The following GIPC2 variants were observed in gnomAD, a reference collection of about 807,000 sequenced individuals.
The protein encoded by GIPC2 is PDZ domain-containing protein GIPC2.
In GIPC2, 30 loss-of-function variants were observed where a neutral mutation model predicts 30.6. The ratio of observed to expected loss-of-function variants is 0.98; its 90% confidence interval spans 0.73 to 1.33. The LOEUF is 1.33. Among genes scored for constraint, GIPC2 ranks in the 40% most tolerant of loss-of-function variants. GIPC2 has a pLI of 0.00. For missense variants in GIPC2, 414 were observed against 390.3 expected, an observed-to-expected ratio of 1.06 and a Z score of -0.51; for synonymous variants, 167 against 150.0, an observed-to-expected ratio of 1.11 and a Z score of -0.83.
At chr1:78,055,815 G>T (rs572170954) in intron 1 of GIPC2, among the ~76,000 whole-genome samples, 2 of 152,324 alleles carry the variant, frequency 1.3e-5, no homozygotes, top group East Asian at 3.9e-4. Context: ...AGTGGATAAG[G>T]AGTCCTGCAG....
chr1:78,064,603 G>C (rs1448423495), intron 1 of GIPC2, among the ~76,000 whole-genome samples: 4 of 152,074 alleles, frequency 2.6e-5, no homozygotes, highest in Non-Finnish European at 5.9e-5. Context: ...ACAATAAGAG[G>C]GCGAACAAGG....
At chr1:78,060,432 A>G (rs1421549872) in intron 1 of GIPC2, among the ~76,000 whole-genome samples, 2 of 152,142 alleles carry the variant, frequency 1.3e-5, no homozygotes, top group Non-Finnish European at 2.9e-5. Context: ...GGTGTGTACC[A>G]CTGCAGCCGA....
chr1:78,065,220 A>G (rs1661482677), intron 1 of GIPC2, among the ~76,000 whole-genome samples: 1 of 152,150 alleles, frequency 6.6e-6, no homozygotes. Context: ...AAAGAGTAGA[A>G]CATGTGTTTG....
Position 78,046,306 on chromosome 1 carries a change from C to A in GIPC2, c.212C>A (p.Ala71Glu). Residue 71 changes from alanine (A) to glutamate (E), a missense_variant, in exon 1 of 6, where the codon GCG (alanine) becomes GAG (glutamate). Coordinates refer to ENST00000370759, the MANE Select transcript of GIPC2 (RefSeq NM_017655.6). ...SSIQELYAQI[A>E]GAFEISPSEI... ...ATCCAGGAGCTCTACGCCCAGATCGCGGGCGCGTTTGAAATCTCGCCGTCG... is the reference window on the plus strand; with the variant it reads ...ATCCAGGAGCTCTACGCCCAGATCGAGGGCGCGTTTGAAATCTCGCCGTCG... 1 of 1,611,474 alleles carries A rather than the reference C, an allele frequency of 6.2e-7. No homozygotes were observed. Among genetic ancestry groups the A allele is most frequent in the Non-Finnish European group, 8.5e-7 (1 of 1,179,472 alleles).
intron 3 of GIPC2, among the ~76,000 whole-genome samples, chr1:78,109,441 G>A (rs897665457): frequency 2.2e-4 from 34 of 152,196 alleles, no homozygotes; most frequent in African/African-American, 8.2e-4. Context: ...ATGAGGTAGT[G>A]TTTCTAGGGT....
chr1:78,108,529 C>T (rs1368026138), intron 3 of GIPC2, among the ~76,000 whole-genome samples: 1 of 152,222 alleles, frequency 6.6e-6, no homozygotes, highest in African/African-American at 2.4e-5. Flanking sequence ...CAACAACTGA[C>T]ACCTTCATGC....
chr1:78,133,385 C>T (rs1454288175), intron 5 of GIPC2, among the ~76,000 whole-genome samples: 1 of 152,160 alleles, frequency 6.6e-6, no homozygotes, highest in African/African-American at 2.4e-5. Flanking sequence ...CTCAGGGCTG[C>T]AGAACTACTG....
chr1:78,068,939 G>A (rs1352232905), intron 1 of GIPC2: 5 of 247,308 alleles, frequency 2.0e-5, no homozygotes, highest in Non-Finnish European at 2.6e-5. Flanking sequence ...TCCTGTGGTA[G>A]CCTGTCAGCT....
At chr1:78,114,542 T>C (rs1356696626) in intron 3 of GIPC2, among the ~76,000 whole-genome samples, 1 of 152,078 alleles carries the variant, frequency 6.6e-6, no homozygotes, top group East Asian at 1.9e-4. Flanking sequence ...AAAACTGCCC[T>C]CTGGAGGCTG....
rs1662865416 is a variant in GIPC2 at position 78,130,158 on chromosome 1, C to A, written c.796+4196C>A. 3.4e-5 allele frequency among the ~76,000 whole-genome samples: 5 copies of A among 146,998 alleles called. No homozygotes were observed. The South Asian group carries it at 1.1e-3, about 31-fold the overall frequency. On this transcript the variant is annotated intron_variant, in intron 5 of 5. Transcript: ENST00000370759. The stretch of plus-strand genomic sequence containing the variant: ...TTGCTCTGTCACCCAGGCTGGAGTG[C>A]AGTGGCACAATCTCGCTCACTGCAA...
intron 3 of GIPC2, among the ~76,000 whole-genome samples, chr1:78,102,395 A>G (rs1662265800): frequency 6.6e-6 from 1 of 152,236 alleles, no homozygotes; most frequent in Non-Finnish European, 1.5e-5. Flanking sequence ...TTTAAGTTTT[A>G]TATGACTTTT....
At chr1:78,061,507 TG>T (rs1462785459) in intron 1 of GIPC2, among the ~76,000 whole-genome samples, 1 of 151,962 alleles carries the variant, frequency 6.6e-6, no homozygotes, top group Non-Finnish European at 1.5e-5. Flanking sequence ...GTTTTTTTTT[TG>T]TTTTGTTTTT....
intron 3 of GIPC2, among the ~76,000 whole-genome samples, chr1:78,095,499 A>G (rs184742610): frequency 1.8e-4 from 27 of 152,326 alleles, no homozygotes; most frequent in Admixed American, 1.6e-3. Context: ...ACTGTTGCTC[A>G]TGGATCTCAG....
chr1:78,125,862 T>G lies in GIPC2; in HGVS notation c.715-19T>G, dbSNP rs779950635. ...AGATTTTGTTGTATAATATCTTATT[T>G]CTCTCTTTTTTGATAAAGCCTTCTG... is the stretch of plus-strand genomic sequence containing the variant. On this transcript the variant is annotated intron_variant, in intron 4 of 5. Coordinates refer to ENST00000370759, the MANE Select transcript of GIPC2 (RefSeq NM_017655.6). The G allele has an allele frequency of 7.3e-7, 1 of 1,377,824 alleles. No homozygotes were observed. The highest frequency in any genetic ancestry group is 1.4e-5 in the African/African-American group (1 of 70,542). The allele number at this position is 1,377,824 out of a possible 1,614,324, so 85.3% of individuals were successfully genotyped here. A position where few individuals can be genotyped will look rare whatever the true frequency, so the allele number is the denominator to read the frequency against.
intron 4 of GIPC2, among the ~76,000 whole-genome samples, chr1:78,124,589 C>T: frequency 6.6e-6 from 1 of 152,204 alleles, no homozygotes; most frequent in East Asian, 1.9e-4. Flanking sequence ...TCACTGTGTT[C>T]TCCAGCTACA....
At chr1:78,125,823 C>T in intron 4 of GIPC2, 58 bp from the exon 5 acceptor site, 1 of 905,552 alleles carries the variant, frequency 1.1e-6, no homozygotes, top group Non-Finnish European at 1.8e-6. Context: ...CTTGTGTATG[C>T]CCTGACAATC....
chr1:78,103,825 A>G (rs1246238511), intron 3 of GIPC2, among the ~76,000 whole-genome samples: 4 of 152,204 alleles, frequency 2.6e-5, no homozygotes, highest in Admixed American at 2.0e-4. Flanking sequence ...TCCCTCAACA[A>G]AGAAAGCTAT....
chr1:78,092,037 T>C, intron 2 of GIPC2: 1 of 1,530,496 alleles, frequency 6.5e-7, no homozygotes, highest in Non-Finnish European at 9.0e-7. Context: ...ATCGCCCTCC[T>C]GTCTACTGGC....
chr1:78,070,529 A>G (rs993297904), intron 1 of GIPC2, among the ~76,000 whole-genome samples: 2 of 151,584 alleles, frequency 1.3e-5, no homozygotes, highest in Non-Finnish European at 1.5e-5. Flanking sequence ...AGGATGATAT[A>G]TATATATATA....
Sources: allele counts gnomAD v4.1 joint callset (sites outside exome capture counted in the v4.1 genomes callset), GRCh38; gene constraint gnomAD v4.1.1; transcripts MANE v1.5; gene names NCBI Gene and HGNC (gene_info 2026-07-23, HGNC 2026-07-21).